Variants in CDH18 observed in about 807,000 individuals in gnomAD.
CDH18 encodes cadherin-18.
Under a neutral mutation model 67.9 loss-of-function variants are expected in CDH18, and 31 were observed. The ratio of observed to expected loss-of-function variants is 0.46; its 90% confidence interval spans 0.34 to 0.62. The LOEUF is 0.62. CDH18 is among the 20% of genes least tolerant of loss of function. The probability of loss-of-function intolerance (pLI) is 0.01; values close to 1 mark genes in which losing one functional copy is unlikely to be tolerated. For missense variants in CDH18, 890 were observed against 975.5 expected (o/e 0.91, Z 1.17); for synonymous variants, 362 against 347.2 (o/e 1.04, Z -0.48).
chr5:19,789,038 C>T (rs1776097570), intron 3 of CDH18, among the ~76,000 whole-genome samples: 1 of 152,136 alleles, frequency 6.6e-6, no homozygotes, highest in East Asian at 1.9e-4. Context: ...GCCATCTTCT[C>T]CACCTTTCTG....
At chr5:20,450,733 C>T (rs1750379747) in intron 1 of CDH18, among the ~76,000 whole-genome samples, 1 of 152,140 alleles carries the variant, frequency 6.6e-6, no homozygotes, top group African/African-American at 2.4e-5. Flanking sequence ...TCTAGCACCT[C>T]ACACTACATA....
chr5:20,060,598 T>C (rs554475882), intron 2 of CDH18, among the ~76,000 whole-genome samples: 1 of 152,338 alleles, frequency 6.6e-6, no homozygotes, highest in South Asian at 2.1e-4. Context: ...ATATTATGAA[T>C]ATGCATGATA....
At chr5:20,264,456 CG>C (rs1458671051) in intron 1 of CDH18, among the ~76,000 whole-genome samples, 1 of 151,764 alleles carries the variant, frequency 6.6e-6, no homozygotes, top group Non-Finnish European at 1.5e-5. Context: ...AATTTAATAG[CG>C]TGTACACATA....
intron 1 of CDH18, among the ~76,000 whole-genome samples, chr5:20,256,745 G>A (rs1744262190): frequency 6.6e-6 from 1 of 151,914 alleles, no homozygotes; most frequent in African/African-American, 2.4e-5. Flanking sequence ...GTATCTAAGA[G>A]AAAAAAATCT....
At chr5:20,249,883 A>G (rs886856680) in intron 2 of CDH18, among the ~76,000 whole-genome samples, 1 of 152,152 alleles carries the variant, frequency 6.6e-6, no homozygotes, top group Non-Finnish European at 1.5e-5. Context: ...TTCAGAAACG[A>G]AAGCCCACAT....
At chr5:19,975,339 T>C (rs559501205) in intron 2 of CDH18, among the ~76,000 whole-genome samples, 1 of 152,228 alleles carries the variant, frequency 6.6e-6, no homozygotes, top group South Asian at 2.1e-4. Flanking sequence ...GCTGTAATTT[T>C]CTTAGGTAGT....
intron 8 of CDH18, among the ~76,000 whole-genome samples, chr5:19,551,044 A>T (rs1361512882): frequency 6.6e-6 from 1 of 152,214 alleles, no homozygotes; most frequent in Non-Finnish European, 1.5e-5. Context: ...AGATGAAAGG[A>T]GTACAGATAC....
intron 1 of CDH18, among the ~76,000 whole-genome samples, chr5:20,392,215 G>T (rs1483635639): frequency 2.6e-5 from 4 of 151,620 alleles, no homozygotes; most frequent in East Asian, 1.9e-4. Context: ...AGTGAGAATG[G>T]TACCAAATAA....
intron 5 of CDH18, among the ~76,000 whole-genome samples, chr5:19,719,905 G>GAAAGAA (rs1277546331): frequency 3.4e-5 from 2 of 59,316 alleles, no homozygotes; most frequent in Admixed American, 1.8e-4. Context: ...TTAAGCAAGA[G>GAAAGAA]AAAGAAAGAA....
chr5:19,509,932 C>T (rs1281645789), intron 10 of CDH18, among the ~76,000 whole-genome samples: 2 of 151,680 alleles, frequency 1.3e-5, no homozygotes, highest in African/African-American at 4.8e-5. Context: ...ACTTAGAGAA[C>T]TATATTGTTG....
chr5:19,590,080 T>C (rs923097120), intron 7 of CDH18, among the ~76,000 whole-genome samples: 2 of 152,154 alleles, frequency 1.3e-5, no homozygotes, highest in Admixed American at 1.3e-4. Flanking sequence ...GGGCTGAGTC[T>C]GCCTTTGCTC....
intron 2 of CDH18, among the ~76,000 whole-genome samples, chr5:20,126,576 A>AAT (rs1464845409): frequency 3.3e-5 from 5 of 152,214 alleles, no homozygotes; most frequent in Non-Finnish European, 7.3e-5. Context: ...ATAAAAGGTT[A>AAT]ATATCCAAAG....
At chr5:20,060,124 TA>T (rs913961137) in intron 2 of CDH18, among the ~76,000 whole-genome samples, 4 of 151,800 alleles carry the variant, frequency 2.6e-5, no homozygotes, top group Admixed American at 6.6e-5. Context: ...TAAAATATAA[TA>T]AAAAAAACTT....
intron 2 of CDH18, among the ~76,000 whole-genome samples, chr5:20,007,932 T>C (rs1357914929): frequency 2.0e-5 from 3 of 152,044 alleles, no homozygotes; most frequent in Admixed American, 6.6e-5. Flanking sequence ...AACAGCAGAA[T>C]TGAGTAGTTT....
chr5:19,966,931 T>C (rs1797500464), intron 2 of CDH18, among the ~76,000 whole-genome samples: 1 of 152,028 alleles, frequency 6.6e-6, no homozygotes, highest in African/African-American at 2.4e-5. Context: ...ATTGTTAATA[T>C]CAAATATTAG....
At chr5:19,852,613 T>A (rs1453601028) in intron 2 of CDH18, among the ~76,000 whole-genome samples, 1 of 152,074 alleles carries the variant, frequency 6.6e-6, no homozygotes. Flanking sequence ...CTTTTCATTA[T>A]CTGGATAGTA....
chr5:19,477,161 T>C (rs1738612456), intron 12 of CDH18, among the ~76,000 whole-genome samples: 1 of 149,280 alleles, frequency 6.7e-6, no homozygotes. Context: ...TATATATGTA[T>C]AAAATCAAAA....
chr5:19,653,241 T>C (rs1451447081), intron 5 of CDH18, among the ~76,000 whole-genome samples: 1 of 152,094 alleles, frequency 6.6e-6, no homozygotes, highest in Non-Finnish European at 1.5e-5. Context: ...ACCAGGGTAG[T>C]CATTGCATAG....
At chr5:19,785,479 C>T (rs1202315312) in intron 3 of CDH18, among the ~76,000 whole-genome samples, 2 of 149,554 alleles carry the variant, frequency 1.3e-5, no homozygotes, top group Non-Finnish European at 1.5e-5. Context: ...ATGGAGAAAC[C>T]CCGTCTCTAC....
Sources: gnomAD v4.1 joint callset for allele counts (sites outside exome capture counted in the v4.1 genomes callset) on GRCh38, gnomAD v4.1.1 for gene constraint, MANE v1.5 for transcripts, NCBI Gene and HGNC (gene_info 2026-07-23, HGNC 2026-07-21) for gene names.